TENT5D: variants seen among roughly 807,000 people sequenced by gnomAD.
TENT5D encodes cancer/testis antigen 112.
For synonymous variants in TENT5D, 103 were observed against 100.6 expected (o/e 1.02, Z -0.15); for missense variants, 191 against 287.0 (o/e 0.67, Z 2.42).
intron 3 of TENT5D, among the ~76,000 whole-genome samples, chrX:80,372,292 G>C (rs1237503789): frequency 1.8e-5 from 2 of 111,582 alleles, no homozygotes; most frequent in African/African-American, 6.5e-5. Context: ...GCTATACTAT[G>C]TATTTCATCT....
At chrX:80,352,810 T>G in intron 3 of TENT5D, among the ~76,000 whole-genome samples, 1 of 107,153 alleles carries the variant, frequency 9.3e-6, no homozygotes, top group East Asian at 3.0e-4. Context: ...AACCCAGGGC[T>G]CTGATGGTAG....
chrX:80,383,075 C>A, intron 3 of TENT5D, among the ~76,000 whole-genome samples: 1 of 112,114 alleles, frequency 8.9e-6, no homozygotes, highest in East Asian at 2.8e-4. Context: ...TCTTCTGCAT[C>A]GATCACGCTG....
At chrX:80,367,847 G>C (rs1273945672) in intron 3 of TENT5D, among the ~76,000 whole-genome samples, 4 of 111,634 alleles carry the variant, frequency 3.6e-5, no homozygotes, top group East Asian at 5.6e-4. Flanking sequence ...GACAAGGAAG[G>C]GTAGTGGGAG....
chrX:80,428,887 G>C (rs887837486), intron 1 of TENT5D, among the ~76,000 whole-genome samples: 1 of 112,045 alleles, frequency 8.9e-6, no homozygotes, highest in Admixed American at 9.5e-5. Flanking sequence ...ATTATGAAGA[G>C]CTTTTAGTGC....
chrX:80,387,247 C>G (rs926146736), intron 3 of TENT5D, among the ~76,000 whole-genome samples: 1 of 112,022 alleles, frequency 8.9e-6, no homozygotes, highest in Middle Eastern at 4.6e-3. Flanking sequence ...CCTTATATAC[C>G]TTTTGTAGTG....
chrX:80,378,471 A>T (rs1260690967), intron 3 of TENT5D, among the ~76,000 whole-genome samples: 1 of 107,970 alleles, frequency 9.3e-6, no homozygotes, highest in East Asian at 2.9e-4. Flanking sequence ...CCAGTTTTCC[A>T]TTTTTTTAAA....
upstream of TENT5D, among the ~76,000 whole-genome samples, chrX:80,417,125 TG>T (rs1307245591): frequency 7.4e-5 from 2 of 26,940 alleles, no homozygotes; most frequent in Admixed American, 1.4e-3. Context: ...TAGCAATCCC[TG>T]CTTTTTTTTT....
rs199721249 is a variant in TENT5D at position 80,443,571 on chromosome X, G to A, written c.1032G>A (p.Lys344=). ...TAAATATTCTACCCAATACACAAAA[G>A]GTAACTTGCTTTTATCAGCCTGCTC... is the stretch of plus-strand genomic sequence containing the variant. Residue 344 remains lysine, a synonymous_variant, in exon 3 of 3, where the codon AAG becomes AAA. Coordinates refer to ENST00000308293, the Ensembl canonical transcript of TENT5D. 3.3e-6 allele frequency: 4 copies of A among 1,208,928 alleles called. No homozygotes were observed. The East Asian group carries it at 8.9e-5, about 27-fold the overall frequency.
At chrX:80,353,967 T>C (rs1930234675) in intron 3 of TENT5D, among the ~76,000 whole-genome samples, 1 of 111,890 alleles carries the variant, frequency 8.9e-6, no homozygotes, top group Non-Finnish European at 1.9e-5. Flanking sequence ...TTTTTACTTT[T>C]GAACAGTTAC....
intron 3 of TENT5D, among the ~76,000 whole-genome samples, chrX:80,375,550 A>G (rs983338494): frequency 1.8e-5 from 2 of 111,054 alleles, no homozygotes; most frequent in East Asian, 2.8e-4. Context: ...ATTTTCTACA[A>G]TTTGTCCATG....
intron 3 of TENT5D, among the ~76,000 whole-genome samples, chrX:80,409,482 A>C (rs1235707544): frequency 9.0e-6 from 1 of 111,139 alleles, no homozygotes; most frequent in Non-Finnish European, 1.9e-5. Flanking sequence ...CAAATGAGTG[A>C]ACTCCCATTC....
intron 1 of TENT5D, among the ~76,000 whole-genome samples, chrX:80,430,587 C>G (rs916000726): frequency 1.8e-5 from 2 of 111,730 alleles, no homozygotes; most frequent in African/African-American, 6.5e-5. Flanking sequence ...AACCTCAGAC[C>G]ATTTGCCCTC....
chrX:80,435,647 A>G (rs1303200998), intron 1 of TENT5D, among the ~76,000 whole-genome samples: 3 of 112,384 alleles, frequency 2.7e-5, no homozygotes, highest in Non-Finnish European at 5.6e-5. Context: ...CCCATTTAGA[A>G]CAACTGATAA....
chrX:80,412,302 G>A (rs889045540), intron 3 of TENT5D, among the ~76,000 whole-genome samples: 4 of 112,376 alleles, frequency 3.6e-5, no homozygotes, highest in South Asian at 3.7e-4. Context: ...CTGGGCCCCC[G>A]GGCCTGTGAT....
chrX:80,369,367 T>C (rs1396934151), intron 3 of TENT5D, among the ~76,000 whole-genome samples: 2 of 112,214 alleles, frequency 1.8e-5, no homozygotes, highest in African/African-American at 6.5e-5. Context: ...AGATTGTACT[T>C]AGATTTTTAT....
intron 3 of TENT5D, among the ~76,000 whole-genome samples, chrX:80,402,015 C>A (rs926403898): frequency 3.6e-5 from 4 of 111,472 alleles, no homozygotes; most frequent in South Asian, 3.7e-4. Context: ...AACAGTGAAA[C>A]CATCAGCACT....
At chrX:80,377,422 TC>T (rs1930753967) in intron 3 of TENT5D, among the ~76,000 whole-genome samples, 1 of 110,973 alleles carries the variant, frequency 9.0e-6, no homozygotes, top group East Asian at 2.8e-4. Context: ...TGTGTGATGT[TC>T]CCCGCCCTGT....
chrX:80,350,549 C>T (rs1408487766), intron 3 of TENT5D, among the ~76,000 whole-genome samples: 1 of 110,932 alleles, frequency 9.0e-6, no homozygotes, highest in Non-Finnish European at 1.9e-5. Flanking sequence ...TGTCTTTGCA[C>T]GTGAGATGGG....
intron 3 of TENT5D, among the ~76,000 whole-genome samples, chrX:80,358,111 T>C (rs1227595876): frequency 8.9e-6 from 1 of 111,846 alleles, no homozygotes; most frequent in African/African-American, 3.3e-5. Flanking sequence ...TGGTTAGCCA[T>C]ATGTAGAAAG....
Sources: allele counts gnomAD v4.1 joint callset (sites outside exome capture counted in the v4.1 genomes callset), GRCh38; gene constraint gnomAD v4.1.1; transcripts MANE v1.5; gene names NCBI Gene and HGNC (gene_info 2026-07-23, HGNC 2026-07-21).